Variants in OOSP1 observed in about 807,000 individuals in gnomAD.
The protein encoded by OOSP1 is putative oocyte-secreted protein 1 homolog.
A neutral mutation model predicts 5.7 loss-of-function variants in OOSP1; 11 were observed. That is an observed-to-expected ratio of 1.94 (90% CI 1.22 to 3.20). The LOEUF is 3.20. Among genes scored for constraint, OOSP1 ranks in the 30% most tolerant of loss-of-function variants. The probability of loss-of-function intolerance (pLI) is 0.00; values close to 1 mark genes in which losing one functional copy is unlikely to be tolerated. For synonymous variants in OOSP1, 44 were observed against 20.0 expected (o/e 2.20, Z -3.20); for missense variants, 83 against 54.1 (o/e 1.53, Z -1.67).
chr11:59,946,983 T>C (rs1183279725), intron 3 of OOSP1, among the ~76,000 whole-genome samples: 1 of 150,862 alleles, frequency 6.6e-6, no homozygotes, highest in Non-Finnish European at 1.5e-5. Context: ...ATCTACTCTG[T>C]ACCCACAAAA....
chr11:59,953,114 TCTGCC>T lies in OOSP1; in HGVS notation c.487-4080_487-4076del, dbSNP rs370492148. On this transcript the variant is annotated intron_variant, in intron 4 of 4. Transcript: ENST00000646685. ...TTCCTCCAGTGAGTTTGATTTTCCT[TCTGCC>T]TATGGCTAGAAAATGTCCTTCGTCT... Among the ~76,000 whole-genome samples, 68 of 152,302 alleles carry T rather than the reference TCTGCC, an allele frequency of 4.5e-4. 2 individuals are homozygous for T. In the South Asian group the frequency reaches 0.013, roughly 29 times the overall value.
At position 59,942,750 on chromosome 11, in the gene OOSP1, G is replaced by C. The variant is rs901113664; in HGVS notation, c.77-97G>C. The C allele has an allele frequency of 7.4e-5, 45 of 607,780 alleles. 1 individual carries two copies. The South Asian group carries it at 9.0e-4, about 12-fold the overall frequency. The allele number at this position is 607,780 out of a possible 1,614,324, so 37.6% of individuals were successfully genotyped here. On this transcript the variant is annotated intron_variant, in intron 1 of 4. Transcript: ENST00000646685. ...CTTAAGACATTTTGTTTTAGTAAGGGATGATCTCTTCATTTGTATTAACAG... is the reference window on the plus strand; with the variant it reads ...CTTAAGACATTTTGTTTTAGTAAGGCATGATCTCTTCATTTGTATTAACAG...
chr11:59,944,086 A>T (rs1156439029), intron 2 of OOSP1, among the ~76,000 whole-genome samples: 1 of 152,194 alleles, frequency 6.6e-6, no homozygotes, highest in Non-Finnish European at 1.5e-5. Flanking sequence ...GCTTAGAGAC[A>T]GCTTTGGCTG....
intron 1 of OOSP1, among the ~76,000 whole-genome samples, chr11:59,940,719 G>A (rs1377034421): frequency 6.6e-6 from 1 of 152,138 alleles, no homozygotes; most frequent in East Asian, 1.9e-4. Flanking sequence ...TGAGGCCACA[G>A]GTACAGATCT....
At chr11:59,955,393 A>T (rs895585528) in intron 4 of OOSP1, among the ~76,000 whole-genome samples, 1 of 152,052 alleles carries the variant, frequency 6.6e-6, no homozygotes, top group African/African-American at 2.4e-5. Flanking sequence ...GTCTCGTTTC[A>T]TAGGAAACCA....
intron 4 of OOSP1, among the ~76,000 whole-genome samples, chr11:59,950,537 T>C (rs1853929560): frequency 6.6e-6 from 1 of 152,124 alleles, no homozygotes; most frequent in Non-Finnish European, 1.5e-5. Context: ...TAAGGTCAAT[T>C]GGAAGTAAAA....
chr11:59,943,345 A>T (rs959994529), intron 2 of OOSP1, among the ~76,000 whole-genome samples: 3 of 151,890 alleles, frequency 2.0e-5, no homozygotes, highest in African/African-American at 7.3e-5. Context: ...GTACCCTAAA[A>T]CTTAAAGTAT....
At chr11:59,946,897 C>T (rs1337719983) in intron 3 of OOSP1, among the ~76,000 whole-genome samples, 1 of 148,946 alleles carries the variant, frequency 6.7e-6, no homozygotes, top group Non-Finnish European at 1.5e-5. Flanking sequence ...ATGCCTGTAT[C>T]AAAATATCTC....
intron 1 of OOSP1, among the ~76,000 whole-genome samples, chr11:59,941,099 A>G (rs1853819863): frequency 6.6e-6 from 1 of 152,200 alleles, no homozygotes; most frequent in Non-Finnish European, 1.5e-5. Flanking sequence ...TTTGTCAAGC[A>G]CAGATCTGTT....
At chr11:59,942,857 A>G (rs1465965785) in exon 2 of OOSP1, 1 of 702,516 alleles carries the variant, frequency 1.4e-6, no homozygotes, top group African/African-American at 1.7e-5. Flanking sequence ...CTATTCAAGT[A>G]CACTGCACCC....
At chr11:59,941,418 C>T (rs1056878116) in intron 1 of OOSP1, among the ~76,000 whole-genome samples, 12 of 151,334 alleles carry the variant, frequency 7.9e-5, no homozygotes, top group African/African-American at 2.4e-4. Flanking sequence ...CTAGCTTTGT[C>T]GCCCAGGCTG....
intron 4 of OOSP1, among the ~76,000 whole-genome samples, chr11:59,948,185 A>T (rs1853906483): frequency 1.3e-5 from 2 of 152,216 alleles, no homozygotes; most frequent in African/African-American, 4.8e-5. Context: ...GAATTGTAAT[A>T]AATGAGTATT....
intron 1 of OOSP1, among the ~76,000 whole-genome samples, chr11:59,941,134 T>G (rs1258018457): frequency 6.6e-6 from 1 of 152,202 alleles, no homozygotes; most frequent in African/African-American, 2.4e-5. Flanking sequence ...TTTTGTCATT[T>G]CAAGGGTGTT....
intron 4 of OOSP1, among the ~76,000 whole-genome samples, chr11:59,950,968 T>G (rs925994156): frequency 6.6e-6 from 1 of 152,026 alleles, no homozygotes; most frequent in Non-Finnish European, 1.5e-5. Flanking sequence ...ATTAAGAAAT[T>G]TTGGCTTCAG....
At chr11:59,954,342 A>G (rs2134575605) in intron 4 of OOSP1, among the ~76,000 whole-genome samples, 1 of 152,230 alleles carries the variant, frequency 6.6e-6, no homozygotes, top group South Asian at 2.1e-4. Flanking sequence ...GCAGTACGTA[A>G]ACAAATAAGC....
exon 5 of OOSP1, chr11:59,957,368 TG>T (rs1364775748): frequency 2.5e-6 from 1 of 393,868 alleles, no homozygotes; most frequent in Non-Finnish European, 4.5e-6. Context: ...GAACATTAAA[TG>T]TCATCCTGGA....
chr11:59,948,606 A>C, intron 4 of OOSP1: 1 of 394,860 alleles, frequency 2.5e-6, no homozygotes, highest in Non-Finnish European at 4.5e-6. Context: ...ATTTCCATAC[A>C]TATACTTTGC....
At chr11:59,951,581 C>T (rs1277255091) in intron 4 of OOSP1, among the ~76,000 whole-genome samples, 1 of 152,034 alleles carries the variant, frequency 6.6e-6, no homozygotes, top group African/African-American at 2.4e-5. Flanking sequence ...AGCTTTAGCT[C>T]ATCTCCTTGT....
intron 4 of OOSP1, among the ~76,000 whole-genome samples, chr11:59,954,755 C>T (rs117287906): frequency 4.6e-5 from 7 of 151,930 alleles, no homozygotes; most frequent in Non-Finnish European, 1.0e-4. Context: ...CTAAGCTTCT[C>T]GAGGGTTGGA....
Sources: gnomAD v4.1 joint callset for allele counts (sites outside exome capture counted in the v4.1 genomes callset) on GRCh38, gnomAD v4.1.1 for gene constraint, MANE v1.5 for transcripts, NCBI Gene and HGNC (gene_info 2026-07-23, HGNC 2026-07-21) for gene names.